The following ACTN1 variants were observed in gnomAD, a reference collection of about 807,000 sequenced individuals.
The protein encoded by ACTN1 is alpha-actinin-1.
Under a neutral mutation model 119.6 loss-of-function variants are expected in ACTN1, and 30 were observed. That is an observed-to-expected ratio of 0.25 (90% CI 0.19 to 0.34). ACTN1 has a LOEUF of 0.34. ACTN1 is among the 10% of genes least tolerant of loss of function. The probability of loss-of-function intolerance (pLI) is 1.00; values close to 1 mark genes in which losing one functional copy is unlikely to be tolerated. For missense variants in ACTN1, 764 were observed against 1,223.4 expected, an observed-to-expected ratio of 0.62 and a Z score of 5.60; for synonymous variants, 429 against 472.6, an observed-to-expected ratio of 0.91 and a Z score of 1.20.
chr14:68,943,246 G>T (rs1199481640), intron 1 of ACTN1, among the ~76,000 whole-genome samples: 1 of 152,200 alleles, frequency 6.6e-6, no homozygotes, highest in African/African-American at 2.4e-5. Flanking sequence ...GGAGCAGCAA[G>T]CTGAGGAACA....
chr14:68,904,732 T>A lies in ACTN1; in HGVS notation c.599A>T (p.Asp200Val), dbSNP rs752756221. 6.2e-7 allele frequency: 1 copy of A among 1,613,376 alleles called. No individual in the cohort carries two copies. Among genetic ancestry groups the A allele is most frequent in the South Asian group, 1.1e-5 (1 of 91,066 alleles). The change falls in exon 7 of 22, where the codon GAT (aspartate) becomes GTT (valine). Residue 200 changes from aspartate (D) to valine (V), a missense_variant. This residue lies in a region of ACTN1 where 544 missense variants were observed against 912.0 expected (regional missense o/e 0.60). Coordinates refer to ENST00000394419, the MANE Select transcript of ACTN1 (RefSeq NM_001130004.2). ...LIDYGKLRKD[D>V]PLTNLNTAFD... Reference sequence around the variant, plus strand: ...AGCCGTATTCAGATTTGTGAGTGGATCATCCTAGAGGGAGAAAAGGAGGAA... The same window carrying A: ...AGCCGTATTCAGATTTGTGAGTGGAACATCCTAGAGGGAGAAAAGGAGGAA...
In ACTN1 at chr14:68,945,270, G is replaced by GA. The variant is rs370456926; in HGVS notation, c.106-19599dup. ...GAGAGTAAGGTCTGTTCAAAAAACT[G>GA]AAAAAAAAAAAGTCACAGTGCAGGA... On this transcript the variant is annotated intron_variant, in intron 1 of 21. Coordinates refer to ENST00000394419, the MANE Select transcript of ACTN1 (RefSeq NM_001130004.2). 1.4e-3 allele frequency among the ~76,000 whole-genome samples: 200 copies of GA among 146,470 alleles called. No homozygotes were observed. In the Middle Eastern group the frequency reaches 0.018, roughly 13 times the overall value.
At chr14:68,978,904 C>G in intron 1 of ACTN1, 48 bp downstream of exon 1, 1 of 1,298,710 alleles carries the variant, frequency 7.7e-7, no homozygotes, top group Admixed American at 2.1e-5. Flanking sequence ...CGGGTCGGGG[C>G]TGGGGGCTGG....
chr14:68,944,301 C>CAACT (rs1474335974), intron 1 of ACTN1, among the ~76,000 whole-genome samples: 9 of 152,344 alleles, frequency 5.9e-5, no homozygotes, highest in Admixed American at 1.3e-4. Context: ...AGAGTGTGGG[C>CAACT]AACTGGCTTG....
Position 68,885,801 on chromosome 14 carries a change from A to G in ACTN1, c.1235-226T>C, listed in dbSNP as rs963793632. 1.3e-5 allele frequency: 7 copies of G among 558,706 alleles called. No homozygotes were observed. The highest frequency in any genetic ancestry group is 2.2e-5 in the Non-Finnish European group (7 of 312,350). The allele number at this position is 558,706 out of a possible 1,614,324, so 34.6% of individuals were successfully genotyped here. A position where few individuals can be genotyped will look rare whatever the true frequency, so the allele number is the denominator to read the frequency against. On this transcript the variant is annotated intron_variant, in intron 11 of 21. Coordinates refer to ENST00000394419, the MANE Select transcript of ACTN1 (RefSeq NM_001130004.2). This position sits in a 1 kb window ranked among gnomAD's most constrained non-coding sequence, Gnocchi z 5.6. The stretch of plus-strand genomic sequence containing the variant: ...TCCTCAGAGCACTTCCAAGGCCATG[A>G]AAGTGTCTACGCAGGAAGGCTATGC...
chr14:68,952,129 A>C (rs1457968982), intron 1 of ACTN1, among the ~76,000 whole-genome samples: 3 of 152,218 alleles, frequency 2.0e-5, no homozygotes, highest in Non-Finnish European at 4.4e-5. Context: ...TCCGGGCCTC[A>C]GTTTCTTTAT....
chr14:68,891,874 G>A (rs1312751943), intron 10 of ACTN1, among the ~76,000 whole-genome samples, 179 bp downstream of exon 10: 7 of 152,316 alleles, frequency 4.6e-5, no homozygotes, highest in African/African-American at 1.7e-4. Context: ...ACATGGCCGA[G>A]TTTGGGATTG....
chr14:68,912,885 C>T (rs2034087153), intron 3 of ACTN1, among the ~76,000 whole-genome samples: 1 of 152,144 alleles, frequency 6.6e-6, no homozygotes, highest in African/African-American at 2.4e-5. Context: ...AATGTTCTGG[C>T]AATTCTGTGA....
intron 2 of ACTN1, among the ~76,000 whole-genome samples, chr14:68,923,738 C>T (rs1000232356): frequency 3.6e-4 from 55 of 152,146 alleles, no homozygotes; most frequent in Admixed American, 3.5e-3. Context: ...TGTGACCTAG[C>T]AGTTCCACTT....
Position 68,879,166 on chromosome 14 carries a change from G to T in ACTN1, c.2281-97C>A. ...CGGGGGAGGGTGGCGTGTGTGGGGA[G>T]ACACAGGGACAGGCATGCGGAGGGA... On this transcript the variant is annotated intron_variant, in intron 18 of 21. Transcript: ENST00000394419. This position sits in a 1 kb window ranked among gnomAD's most constrained non-coding sequence, Gnocchi z 4.9. 1.8e-6 allele frequency: 1 copy of T among 561,384 alleles called. No homozygotes were observed. The highest frequency in any genetic ancestry group is 2.7e-6 in the Non-Finnish European group (1 of 374,212). The allele number at this position is 561,384 out of a possible 1,614,324, so 34.8% of individuals were successfully genotyped here.
At chr14:68,881,955 T>TTTTTTTTTGTGTGGA (rs58500225) in intron 16 of ACTN1, among the ~76,000 whole-genome samples, 1 of 103,002 alleles carries the variant, frequency 9.7e-6, no homozygotes, top group Non-Finnish European at 1.8e-5. Flanking sequence ...TTTTTTTTTT[T>TTTTTTTTTGTGTGGA]GACAGAGTCT....
intron 2 of ACTN1, among the ~76,000 whole-genome samples, chr14:68,924,006 A>T (rs1652662667): frequency 6.6e-6 from 1 of 152,276 alleles, no homozygotes; most frequent in South Asian, 2.1e-4. Flanking sequence ...AGTGAAATAA[A>T]CCAGTGTCAC....
chr14:68,879,828 G>A lies in ACTN1; in HGVS notation c.2280+134C>T, dbSNP rs1310081294. On this transcript the variant is annotated intron_variant, in intron 18 of 21. Transcript: ENST00000394419. The surrounding 1 kb of genome is among the most constrained non-coding windows in gnomAD (Gnocchi z 4.9). ...GGTTTTGCAGGGTGCATTGAGTCAGGGCAGGCTGACGGCAGTTTCCCCTTT... is the reference window on the plus strand; with the variant it reads ...GGTTTTGCAGGGTGCATTGAGTCAGAGCAGGCTGACGGCAGTTTCCCCTTT... The A allele has an allele frequency of 1.5e-6, 2 of 1,310,094 alleles. No homozygotes were observed. Among genetic ancestry groups the A allele is most frequent in the South Asian group, 1.4e-5 (1 of 69,164 alleles). The allele number at this position is 1,310,094 out of a possible 1,614,324, so 81.2% of individuals were successfully genotyped here. A position where few individuals can be genotyped will look rare whatever the true frequency, so the allele number is the denominator to read the frequency against.
chr14:68,938,867 G>A (rs749339303), intron 1 of ACTN1, among the ~76,000 whole-genome samples: 2 of 152,178 alleles, frequency 1.3e-5, no homozygotes, highest in Admixed American at 1.3e-4. Context: ...CCACTGATGA[G>A]AGAACTCTGA....
At position 68,909,570 on chromosome 14, in the gene ACTN1, C is replaced by T. The variant is rs999659421; in HGVS notation, c.516-174G>A. Among the ~76,000 whole-genome samples the T allele has an allele frequency of 1.3e-5, 2 of 152,162 alleles. No individual in the cohort carries two copies. Among genetic ancestry groups the T allele is most frequent in the African/African-American group, 4.8e-5 (2 of 41,424 alleles). On this transcript the variant is annotated intron_variant, in intron 5 of 21. Coordinates refer to ENST00000394419, the MANE Select transcript of ACTN1 (RefSeq NM_001130004.2). This position sits in a 1 kb window ranked among gnomAD's most constrained non-coding sequence, Gnocchi z 4.1. ...ATTTCTTCCTGCCACAAATCCCAGG[C>T]ACTAGGGTCAAGACTTTGTGGGGGG...
At chr14:68,891,693 G>A (rs1208074279) in intron 10 of ACTN1, among the ~76,000 whole-genome samples, 2 of 152,168 alleles carry the variant, frequency 1.3e-5, no homozygotes, top group Non-Finnish European at 2.9e-5. Context: ...AGATTCCATG[G>A]AAGTAGAAAT....
chr14:68,916,956 C>G (rs2034330799), intron 3 of ACTN1, among the ~76,000 whole-genome samples: 1 of 152,092 alleles, frequency 6.6e-6, no homozygotes, highest in South Asian at 2.1e-4. Context: ...CCTCCCAGAC[C>G]AATGCTGTGG....
chr14:68,978,919 TGGGGGCTGCAGCGGGC>T lies in ACTN1; in HGVS notation c.105+17_105+32del. ...CGGGTCGGGGCTGGGGGCTGGGGGC[TGGGGGCTGCAGCGGGC>T]GGGGGCGGCTGCTAACCTTTCTCTG... On this transcript the variant is annotated intron_variant, in intron 1 of 21. Transcript: ENST00000394419. 6.9e-7 allele frequency: 1 copy of T among 1,441,528 alleles called. No individual in the cohort carries two copies. The highest frequency in any genetic ancestry group is 1.3e-5 in the South Asian group (1 of 79,726). The allele number at this position is 1,441,528 out of a possible 1,614,324, so 89.3% of individuals were successfully genotyped here.
chr14:68,891,541 A>AT (rs1332894755), intron 10 of ACTN1, among the ~76,000 whole-genome samples: 2 of 151,968 alleles, frequency 1.3e-5, no homozygotes, highest in Non-Finnish European at 2.9e-5. Flanking sequence ...GATTAAAATC[A>AT]TTTTTTTTAA....
Sources: gnomAD v4.1 joint callset for allele counts (sites outside exome capture counted in the v4.1 genomes callset) on GRCh38, gnomAD v4.1.1 for gene constraint, gnomAD v4.1.1 regional missense constraint, Gnocchi (gnomAD v3.1) non-coding constraint, MANE v1.5 for transcripts, NCBI Gene and HGNC (gene_info 2026-07-23, HGNC 2026-07-21) for gene names.